KIF27: variants seen among roughly 807,000 people sequenced by gnomAD.
The protein encoded by KIF27 is kinesin-like protein KIF27.
Under a neutral mutation model 141.8 loss-of-function variants are expected in KIF27, and 84 were observed. The observed-to-expected ratio is 0.59, with a 90% CI of 0.50 to 0.71. KIF27 has a LOEUF of 0.71. KIF27 is among the 30% of genes least tolerant of loss of function. KIF27 has a pLI of 0.00. For missense variants in KIF27, 1,306 were observed against 1,628.4 expected, an observed-to-expected ratio of 0.80 and a Z score of 3.41; for synonymous variants, 471 against 569.5, an observed-to-expected ratio of 0.83 and a Z score of 2.46.
At chr9:83,844,883 G>A (rs895359093) in intron 16 of KIF27, among the ~76,000 whole-genome samples, 7 of 152,212 alleles carry the variant, frequency 4.6e-5, no homozygotes, top group African/African-American at 1.7e-4. Context: ...GAGGCACAAT[G>A]CCTAGTGGGC....
At chr9:83,892,079 T>C (rs1588198795) in intron 5 of KIF27, among the ~76,000 whole-genome samples, 2 of 152,222 alleles carry the variant, frequency 1.3e-5, no homozygotes, top group Non-Finnish European at 2.9e-5. Flanking sequence ...TTTGTGTATA[T>C]GTGGTTTAGT....
chr9:83,846,996 TC>T (rs1314797154), intron 16 of KIF27, among the ~76,000 whole-genome samples: 2 of 152,074 alleles, frequency 1.3e-5, no homozygotes, highest in Non-Finnish European at 2.9e-5. Flanking sequence ...ATACAGGAGA[TC>T]CATTAGGGCG....
intron 10 of KIF27, among the ~76,000 whole-genome samples, chr9:83,881,314 T>C (rs568296396): frequency 6.6e-6 from 1 of 152,374 alleles, no homozygotes; most frequent in South Asian, 2.1e-4. Flanking sequence ...TGATTAGCAT[T>C]GCACTAAATA....
intron 15 of KIF27, among the ~76,000 whole-genome samples, chr9:83,852,752 C>T (rs1948752436): frequency 6.6e-6 from 1 of 152,054 alleles, no homozygotes; most frequent in African/African-American, 2.4e-5. Context: ...CCTCAGCCTC[C>T]CAAGTATCTG....
At chr9:83,847,356 C>G (rs1171310139) in intron 16 of KIF27, among the ~76,000 whole-genome samples, 1 of 152,138 alleles carries the variant, frequency 6.6e-6, no homozygotes, top group African/African-American at 2.4e-5. Flanking sequence ...TATCATGTGA[C>G]ATAAGATTTA....
chr9:83,914,359 G>A (rs1034679724), intron 2 of KIF27, among the ~76,000 whole-genome samples: 1 of 152,072 alleles, frequency 6.6e-6, no homozygotes, highest in Non-Finnish European at 1.5e-5. Context: ...TTTAGTTGGA[G>A]AGTATTGGCT....
At chr9:83,910,045 C>T (rs1954980192) in intron 2 of KIF27, among the ~76,000 whole-genome samples, 1 of 145,526 alleles carries the variant, frequency 6.9e-6, no homozygotes, top group Non-Finnish European at 1.5e-5. Flanking sequence ...GAGCAAGACC[C>T]TTTCTCTAAA....
At chr9:83,887,788 C>G (rs566505691) in intron 8 of KIF27, among the ~76,000 whole-genome samples, 22 of 152,006 alleles carry the variant, frequency 1.4e-4, no homozygotes, top group Admixed American at 9.2e-4. Flanking sequence ...TCAAGCATGG[C>G]TGCTTGAGTA....
intron 3 of KIF27, among the ~76,000 whole-genome samples, chr9:83,904,725 A>G (rs1302039349): frequency 1.3e-5 from 2 of 152,094 alleles, no homozygotes; most frequent in Non-Finnish European, 2.9e-5. Context: ...GTTAATCAGT[A>G]GATTAGAAGA....
chr9:83,883,217 A>G (rs1951823793), intron 10 of KIF27, among the ~76,000 whole-genome samples: 1 of 152,208 alleles, frequency 6.6e-6, no homozygotes, highest in African/African-American at 2.4e-5. Flanking sequence ...TAGAAAGTTC[A>G]TTATGATCAG....
chr9:83,909,172 A>C (rs4877813), intron 2 of KIF27, among the ~76,000 whole-genome samples: 2,615 of 152,344 alleles, frequency 0.017, 35 homozygotes, highest in Admixed American at 0.029. Context: ...ATTATATGGC[A>C]TATTAAAAAG....
chr9:83,888,680 T>TA (rs1952356972), intron 7 of KIF27, 88 bp from the exon 8 acceptor site: 2 of 710,096 alleles, frequency 2.8e-6, no homozygotes, highest in Non-Finnish European at 4.6e-6. Context: ...AAAGTAATGT[T>TA]AAAAAAATTA....
intron 3 of KIF27, among the ~76,000 whole-genome samples, chr9:83,907,519 A>G (rs1397482555): frequency 6.6e-6 from 1 of 152,088 alleles, no homozygotes; most frequent in Non-Finnish European, 1.5e-5. Flanking sequence ...GTTATTCTTT[A>G]AAATATTTGC....
chr9:83,900,850 A>C (rs1203503156), intron 4 of KIF27, among the ~76,000 whole-genome samples: 1 of 151,774 alleles, frequency 6.6e-6, no homozygotes, highest in African/African-American at 2.4e-5. Flanking sequence ...ACTAATGAGG[A>C]AGGTCCTGCT....
intron 11 of KIF27, among the ~76,000 whole-genome samples, chr9:83,874,402 T>C (rs973316937): frequency 1.3e-5 from 2 of 152,204 alleles, no homozygotes; most frequent in African/African-American, 4.8e-5. Context: ...GCAGAAGTTG[T>C]ACTATTCTTT....
At chr9:83,870,141 CTCTATCTATCTA>C (rs200694940) in intron 12 of KIF27, among the ~76,000 whole-genome samples, 8 of 151,504 alleles carry the variant, frequency 5.3e-5, no homozygotes, top group African/African-American at 1.5e-4. Context: ...CTATCTATCT[CTCTATCTATCTA>C]TCTATCTATC....
rs576268168 is a variant in KIF27 at position 83,860,171 on chromosome 9, T to A, written c.2935-800A>T. The A allele has an allele frequency of 3.7e-3, 563 of 152,310 alleles. 5 individuals carry two copies. Among genetic ancestry groups the A allele is most frequent in the African/African-American group, 0.013 (533 of 41,562 alleles). 9.4% of individuals were successfully genotyped at this position (152,310 alleles called of 1,614,324 possible). On this transcript the variant is annotated intron_variant, in intron 13 of 17. Coordinates refer to ENST00000297814, the MANE Select transcript of KIF27 (RefSeq NM_017576.4). ...GGTCAAATATCAGGTAATTTGTAAA[T>A]TACTGTTCACAGTAATTATTTGTAT...
chr9:83,920,994 C>T (rs1956216725), intron 1 of KIF27, among the ~76,000 whole-genome samples: 1 of 152,164 alleles, frequency 6.6e-6, no homozygotes, highest in Non-Finnish European at 1.5e-5. Context: ...CACCTCACGC[C>T]GTGCAGCGAC....
At chr9:83,866,749 G>A (rs1294347711) in intron 13 of KIF27, among the ~76,000 whole-genome samples, 4 of 151,986 alleles carry the variant, frequency 2.6e-5, no homozygotes, top group East Asian at 1.9e-4. Context: ...GGTGGTGTGC[G>A]CCTGTAGTCC....
Sources: gnomAD v4.1 joint callset for allele counts (sites outside exome capture counted in the v4.1 genomes callset) on GRCh38, gnomAD v4.1.1 for gene constraint, MANE v1.5 for transcripts, NCBI Gene and HGNC (gene_info 2026-07-23, HGNC 2026-07-21) for gene names.